The following COX7B2 variants were observed in gnomAD, a reference collection of about 807,000 sequenced individuals.
COX7B2 encodes the protein cytochrome c oxidase subunit 7B2, also known as cytochrome c oxidase subunit 7B2, mitochondrial.
For synonymous variants in COX7B2, 37 were observed against 32.1 expected (o/e 1.15, Z -0.51); for missense variants, 109 against 95.9 (o/e 1.14, Z -0.57).
rs143290021 is a variant in COX7B2 at position 46,828,849 on chromosome 4, A to T, written c.-50+16111T>A. ...GTCAGTGAATATGAGAAATCATGTA[A>T]AAAAGGTAATTGCAGAAAAATATAA... is the stretch of plus-strand genomic sequence containing the variant. On this transcript the variant is annotated intron_variant, in intron 2 of 2. Coordinates refer to ENST00000355591, the MANE Select transcript of COX7B2 (RefSeq NM_130902.3). 8.0e-3 allele frequency among the ~76,000 whole-genome samples: 1,224 copies of T among 152,274 alleles called. 16 individuals carry two copies. Among genetic ancestry groups the T allele is most frequent in the Middle Eastern group, 0.071 (21 of 294 alleles).
At position 46,876,356 on chromosome 4, in the gene COX7B2, GA is replaced by G. The variant is rs375373559; in HGVS notation, c.-104-31343del. ...TCATTGTATCTCTTTATAAAGGGAAGAATGATCCTCTGATTTTCAGTTTCAA... is the reference window on the plus strand; with the variant it reads ...TCATTGTATCTCTTTATAAAGGGAAGATGATCCTCTGATTTTCAGTTTCAA... On this transcript the variant is annotated intron_variant, in intron 1 of 2. Coordinates refer to ENST00000355591, the MANE Select transcript of COX7B2 (RefSeq NM_130902.3). Among the ~76,000 whole-genome samples, 620 of 150,634 alleles carry G rather than the reference GA, an allele frequency of 4.1e-3. 6 individuals are homozygous for G. Among genetic ancestry groups the G allele is most frequent in the African/African-American group, 0.014 (579 of 41,088 alleles).
intron 2 of COX7B2, among the ~76,000 whole-genome samples, chr4:46,833,149 C>A (rs1321937683): frequency 6.6e-6 from 1 of 152,202 alleles, no homozygotes; most frequent in Non-Finnish European, 1.5e-5. Context: ...AGGTGATCCA[C>A]CCACCTCGGC....
chr4:46,804,060 T>C (rs752660005), intron 2 of COX7B2, among the ~76,000 whole-genome samples: 8 of 152,088 alleles, frequency 5.3e-5, no homozygotes, highest in Non-Finnish European at 8.8e-5. Flanking sequence ...TTTTTTCTGG[T>C]GGGTTCGTGG....
intron 2 of COX7B2, among the ~76,000 whole-genome samples, chr4:46,753,439 C>A (rs1199584453): frequency 6.6e-6 from 1 of 151,806 alleles, no homozygotes; most frequent in Admixed American, 6.6e-5. Context: ...CTTTGACAAA[C>A]CTGACAAAAA....
intron 1 of COX7B2, among the ~76,000 whole-genome samples, chr4:46,865,049 C>A (rs886528656): frequency 1.3e-5 from 2 of 152,070 alleles, no homozygotes; most frequent in Non-Finnish European, 2.9e-5. Flanking sequence ...TTTTAGGGCA[C>A]CCATCACCTG....
intron 2 of COX7B2, among the ~76,000 whole-genome samples, chr4:46,782,886 T>G (rs1422708803): frequency 2.0e-5 from 3 of 151,902 alleles, no homozygotes; most frequent in Non-Finnish European, 4.4e-5. Context: ...GAACCAACTC[T>G]GGACACACCA....
chr4:46,820,977 G>A (rs911223522), intron 2 of COX7B2, among the ~76,000 whole-genome samples: 15 of 151,926 alleles, frequency 9.9e-5, no homozygotes, highest in Non-Finnish European at 1.6e-4. Flanking sequence ...TACTACAGTC[G>A]AAACCTGAGA....
At chr4:46,783,269 T>A (rs778049525) in intron 2 of COX7B2, among the ~76,000 whole-genome samples, 13 of 152,088 alleles carry the variant, frequency 8.5e-5, no homozygotes, top group Non-Finnish European at 2.9e-5. Flanking sequence ...CACAACCAAA[T>A]CCAAAAGAAG....
intron 2 of COX7B2, among the ~76,000 whole-genome samples, chr4:46,797,593 A>T (rs1718431187): frequency 6.6e-6 from 1 of 152,132 alleles, no homozygotes; most frequent in Admixed American, 6.5e-5. Context: ...AAAATAGTAA[A>T]CCAAAAGCGA....
At chr4:46,815,857 A>G (rs747798108) in intron 2 of COX7B2, among the ~76,000 whole-genome samples, 1 of 152,228 alleles carries the variant, frequency 6.6e-6, no homozygotes, top group Non-Finnish European at 1.5e-5. Flanking sequence ...TAATTGTCTT[A>G]GCAGATAACA....
At chr4:46,778,633 G>T (rs1336302759) in intron 2 of COX7B2, among the ~76,000 whole-genome samples, 2 of 152,118 alleles carry the variant, frequency 1.3e-5, no homozygotes, top group African/African-American at 4.8e-5. Flanking sequence ...GTGAGATGAA[G>T]CATATAGAAT....
intron 2 of COX7B2, among the ~76,000 whole-genome samples, chr4:46,764,679 C>CAA (rs11357133): frequency 7.7e-6 from 1 of 129,088 alleles, no homozygotes; most frequent in Admixed American, 7.7e-5. Flanking sequence ...GACTCCGCCT[C>CAA]AAAAAAAAAA....
At chr4:46,778,454 A>G (rs895537216) in intron 2 of COX7B2, among the ~76,000 whole-genome samples, 1 of 152,144 alleles carries the variant, frequency 6.6e-6, no homozygotes, top group Non-Finnish European at 1.5e-5. Flanking sequence ...AGGTAAATGC[A>G]TGCAGGGTTT....
chr4:46,905,205 G>A (rs188284815), intron 1 of COX7B2, among the ~76,000 whole-genome samples: 1 of 152,078 alleles, frequency 6.6e-6, no homozygotes, highest in Admixed American at 6.5e-5. Flanking sequence ...GTAGGCATGG[G>A]TAAATATATG....
chr4:46,851,460 T>C (rs1462685781), intron 1 of COX7B2, among the ~76,000 whole-genome samples: 1 of 152,082 alleles, frequency 6.6e-6, no homozygotes, highest in Non-Finnish European at 1.5e-5. Flanking sequence ...TTAGTAAGCA[T>C]TCTGTTATAT....
At chr4:46,808,256 T>C (rs2109652502) in intron 2 of COX7B2, among the ~76,000 whole-genome samples, 1 of 151,932 alleles carries the variant, frequency 6.6e-6, no homozygotes, top group African/African-American at 2.4e-5. Context: ...GTTAAATTTG[T>C]TCTTGTATAT....
At chr4:46,787,864 T>A (rs1006467849) in intron 2 of COX7B2, among the ~76,000 whole-genome samples, 2 of 152,214 alleles carry the variant, frequency 1.3e-5, no homozygotes, top group African/African-American at 2.4e-5. Context: ...TTTTAGAGGC[T>A]TTTATTTATC....
At chr4:46,870,212 TA>T (rs1318369786) in intron 1 of COX7B2, among the ~76,000 whole-genome samples, 2 of 151,792 alleles carry the variant, frequency 1.3e-5, no homozygotes, top group East Asian at 1.9e-4. Flanking sequence ...ATTAATCACA[TA>T]AAAAAACTAA....
rs1296584147 is a variant in COX7B2 at position 46,747,289 on chromosome 4, T to TTTA, written c.-49-12051_-49-12049dup. 3.4e-4 allele frequency among the ~76,000 whole-genome samples: 44 copies of TTTA among 129,182 alleles called. 1 individual carries two copies. Among genetic ancestry groups the TTTA allele is most frequent in the Non-Finnish European group, 1.0e-4 (6 of 60,062 alleles). The allele number at this position is 129,182 out of a possible 152,430, so 84.7% of individuals were successfully genotyped here. Reference sequence around the variant, plus strand: ...TCTCATCATTAAGCTCCTATTTTATTTTATTTTATTTTATTTTATTTTATT... The same window carrying TTTA: ...TCTCATCATTAAGCTCCTATTTTATTTTATTATTTTATTTTATTTTATTTTATT... On this transcript the variant is annotated intron_variant, in intron 2 of 2. Coordinates refer to ENST00000355591, the MANE Select transcript of COX7B2 (RefSeq NM_130902.3).
Sources: gnomAD v4.1 joint callset for allele counts (sites outside exome capture counted in the v4.1 genomes callset) on GRCh38, gnomAD v4.1.1 for gene constraint, MANE v1.5 for transcripts, NCBI Gene and HGNC (gene_info 2026-07-23, HGNC 2026-07-21) for gene names.